COL11A2: variants seen among roughly 807,000 people sequenced by gnomAD.
The protein encoded by COL11A2 is collagen alpha-2(XI) chain.
COL11A2 carries 116 observed loss-of-function variants against 273.4 expected under a neutral mutation model. The ratio of observed to expected loss-of-function variants is 0.42; its 90% CI spans 0.36 to 0.49. The LOEUF is 0.49. COL11A2 is among the 20% of genes least tolerant of loss of function. COL11A2 has a pLI of 0.00. For missense variants in COL11A2, 1,866 were observed against 2,309.0 expected (o/e 0.81, Z 3.93); for synonymous variants, 782 against 864.2 (o/e 0.90, Z 1.67).
chr6:33,177,015 T>C lies in COL11A2; in HGVS notation c.2047A>G (p.Met683Val). 1.2e-6 allele frequency: 2 copies of C among 1,612,108 alleles called. No individual in the cohort carries two copies. The highest frequency in any genetic ancestry group is 2.2e-5 in the South Asian group (2 of 90,848). ...GPQGKPGLPG[M>V]PGSDGPPGHP... ...ACCGGGGGTCCGTCTGAGCCAGGCA[T>C]GCCGGGGAGCCCTGGCTTCCCTTGA... The change falls in exon 25 of 66, where the codon ATG becomes GTG. Residue 683 changes from methionine (M) to valine (V), a missense_variant. By Grantham distance (21) the Met-to-Val change is conservative. Coordinates refer to ENST00000341947, the MANE Select transcript of COL11A2 (RefSeq NM_080680.3). This position sits in a 1 kb window ranked among gnomAD's most constrained non-coding sequence, Gnocchi z 5.9.
In COL11A2 at chr6:33,164,337, C is replaced by T. The variant is rs146555195; in HGVS notation, c.5000G>A (p.Arg1667His). ...GCTCAGCTCATCCTCATTGGCCCCA[C>T]GGAGTCTCAGGGGACCGTCACGGGC... ...GAARDGPLRL[R>H]GANEDELSPE... Residue 1667 changes from arginine to histidine, a missense_variant, in exon 65 of 66, where the codon CGT (arginine) becomes CAT (histidine). Coordinates refer to ENST00000341947, the MANE Select transcript of COL11A2 (RefSeq NM_080680.3). This position sits in a 1 kb window ranked among gnomAD's most constrained non-coding sequence, Gnocchi z 4.7. The T allele has an allele frequency of 1.3e-3, 2,021 of 1,612,916 alleles. 14 individuals are homozygous for T. The highest frequency in any genetic ancestry group is 6.1e-3 in the South Asian group (560 of 91,062).
chr6:33,167,766 G>T lies in COL11A2; in HGVS notation c.4014+33C>A. On this transcript the variant is annotated intron_variant, in intron 55 of 65. Coordinates refer to ENST00000341947, the MANE Select transcript of COL11A2 (RefSeq NM_080680.3). The surrounding 1 kb of genome is among the most constrained non-coding windows in gnomAD (Gnocchi z 6.1). ...CATCTGAGGGGTGGGAGGCGGAGGG[G>T]ATGCTCCAGCACTAGGGCAGCCTGT... The T allele has an allele frequency of 6.2e-7, 1 of 1,612,124 alleles. No individual in the cohort carries two copies. Among genetic ancestry groups the T allele is most frequent in the Non-Finnish European group, 8.5e-7 (1 of 1,179,516 alleles).
rs577566472 is a variant in COL11A2, at chr6:33,185,211, G to A, written c.877-157C>T. Among the ~76,000 whole-genome samples the A allele has an allele frequency of 1.1e-4, 17 of 152,322 alleles. No individual in the cohort carries two copies. In the East Asian group the frequency reaches 3.3e-3, roughly 29 times the overall value. On this transcript the variant is annotated intron_variant, in intron 6 of 65. Transcript: ENST00000341947. ...CAGATCTTGCAGCCCCTTTGGAGGG[G>A]GATAGTTTGGGGAGAGTGAACCTCC...
rs762742076 is a variant in COL11A2 at position 33,173,263 on chromosome 6, C to T, written c.2736+85G>A. The T allele has an allele frequency of 1.1e-4, 166 of 1,572,830 alleles. No homozygotes were observed. The highest frequency in any genetic ancestry group is 1.3e-4 in the Non-Finnish European group (155 of 1,151,656). On this transcript the variant is annotated intron_variant, in intron 37 of 65. Transcript: ENST00000341947. This position sits in a 1 kb window ranked among gnomAD's most constrained non-coding sequence, Gnocchi z 6.3. ...GGCAGGCTCCACTCTGCCAGGAGAA[C>T]GTCCCTGTGGGCTTTCCAGACAGCT...
chr6:33,185,964 G>A (rs1772369919), intron 5 of COL11A2, among the ~76,000 whole-genome samples, 186 bp from the exon 6 acceptor site: 1 of 151,702 alleles, frequency 6.6e-6, no homozygotes, highest in Non-Finnish European at 1.5e-5. Context: ...GGGGAGAGGT[G>A]GAACAGAGGG....
At chr6:33,184,772 C>T (rs1178252260) in intron 7 of COL11A2, among the ~76,000 whole-genome samples, 1 of 152,182 alleles carries the variant, frequency 6.6e-6, no homozygotes, top group African/African-American at 2.4e-5. Context: ...ATCAAAGAAT[C>T]ATGGAAGGAG....
In COL11A2 at chr6:33,169,610, C is replaced by G; in HGVS notation, c.3691-120G>C. Reference sequence around the variant, plus strand: ...CCCCTCAGTGACAATGGGACATACACAGAAAGTCAAGCCTACAAGGGGAGT... The same window carrying G: ...CCCCTCAGTGACAATGGGACATACAGAGAAAGTCAAGCCTACAAGGGGAGT... On this transcript the variant is annotated intron_variant, in intron 50 of 65. Coordinates refer to ENST00000341947, the MANE Select transcript of COL11A2 (RefSeq NM_080680.3). The surrounding 1 kb of genome is among the most constrained non-coding windows in gnomAD (Gnocchi z 5.5). 8.7e-7 allele frequency: 1 copy of G among 1,150,056 alleles called. No individual in the cohort carries two copies. Among genetic ancestry groups the G allele is most frequent in the Non-Finnish European group, 1.3e-6 (1 of 776,056 alleles). The allele number at this position is 1,150,056 out of a possible 1,614,324, so 71.2% of individuals were successfully genotyped here.
intron 8 of COL11A2, 83 bp downstream of exon 8, chr6:33,184,062 A>C: frequency 1.6e-6 from 2 of 1,224,974 alleles, no homozygotes; most frequent in South Asian, 2.4e-5. Context: ...CACAGCCAAC[A>C]GCCAAGGATC....
chr6:33,170,470 G>A lies in COL11A2; in HGVS notation c.3528+87C>T. On this transcript the variant is annotated intron_variant, in intron 47 of 65. Coordinates refer to ENST00000341947, the MANE Select transcript of COL11A2 (RefSeq NM_080680.3). The surrounding 1 kb of genome is among the most constrained non-coding windows in gnomAD (Gnocchi z 4.3). ...AGAGGAGGAGGAGCAGCCAGGCCAG[G>A]GAGTTGGCAGTGGGGTGTGGGGTGG... 3 of 1,573,806 alleles carry A rather than the reference G, an allele frequency of 1.9e-6. No individual in the cohort carries two copies. The highest frequency in any genetic ancestry group is 2.6e-6 in the Non-Finnish European group (3 of 1,148,514).
chr6:33,183,419 C>A (rs1475881331), intron 8 of COL11A2, among the ~76,000 whole-genome samples: 2 of 152,164 alleles, frequency 1.3e-5, no homozygotes, highest in Non-Finnish European at 2.9e-5. Flanking sequence ...CAAAGGGAAT[C>A]ATGACAGTGA....
intron 30 of COL11A2, chr6:33,175,336 G>A: frequency 1.5e-6 from 1 of 662,726 alleles, no homozygotes; most frequent in Non-Finnish European, 2.8e-6. Context: ...TGAAGCAACA[G>A]CTACTCTCTA....
At position 33,168,935 on chromosome 6, in the gene COL11A2, C is replaced by T. The variant is rs937951181; in HGVS notation, c.3852+20G>A. The T allele has an allele frequency of 1.2e-6, 2 of 1,607,914 alleles. No homozygotes were observed. Among genetic ancestry groups the T allele is most frequent in the African/African-American group, 2.7e-5 (2 of 74,592 alleles). Reference sequence around the variant, plus strand: ...AAGCCCCACCCTTTTTGCCCCTTCCCTTCTCTGAGTAAGACTCACCCGAGG... The same window carrying T: ...AAGCCCCACCCTTTTTGCCCCTTCCTTTCTCTGAGTAAGACTCACCCGAGG... On this transcript the variant is annotated intron_variant, in intron 52 of 65. Transcript: ENST00000341947.
chr6:33,176,534 T>A lies in COL11A2; in HGVS notation c.2116-48A>T, dbSNP rs1562350355. 1 of 1,554,098 alleles carries A rather than the reference T, an allele frequency of 6.4e-7. No homozygotes were observed. Among genetic ancestry groups the A allele is most frequent in the Non-Finnish European group, 8.9e-7 (1 of 1,127,204 alleles). On this transcript the variant is annotated intron_variant, in intron 26 of 65. Coordinates refer to ENST00000341947, the MANE Select transcript of COL11A2 (RefSeq NM_080680.3). This position sits in a 1 kb window ranked among gnomAD's most constrained non-coding sequence, Gnocchi z 4.9. ...TTATAAAGGGGCCTCAGAGTGTCAC[T>A]GTGGGGGCCTCCAGGGGTGGAAGAA...
chr6:33,163,816 T>G lies in COL11A2; in HGVS notation c.5073A>C (p.Thr1691=), dbSNP rs566084562. ...CCTCCAGCACCGTCCGGCCTTGCTG[T>G]GTCTTCAGGGGGAGACAAGGAAGAA... is the stretch of plus-strand genomic sequence containing the variant. ...YVKEFRDGCQ[T]QQGRTVLEVR... is the part of the protein sequence containing the mutation. The change falls in exon 66 of 66, where the codon ACA becomes ACC. Residue 1691 remains threonine (T), a splice_region_variant and synonymous_variant. Transcript: ENST00000341947. The surrounding 1 kb of genome is among the most constrained non-coding windows in gnomAD (Gnocchi z 4.1). 6 of 1,612,968 alleles carry G rather than the reference T, an allele frequency of 3.7e-6. No homozygotes were observed. In the East Asian group the frequency reaches 8.9e-5, roughly 24 times the overall value.
intron 41 of COL11A2, 113 bp from the exon 42 acceptor site, chr6:33,171,933 C>T: frequency 3.9e-6 from 6 of 1,532,680 alleles, no homozygotes; most frequent in Non-Finnish European, 5.4e-6. Context: ...TCTGGCTGTC[C>T]CTGGACAGCC....
At chr6:33,171,395 G>A in intron 43 of COL11A2, 71 bp from the exon 44 acceptor site, 2 of 1,609,494 alleles carry the variant, frequency 1.2e-6, no homozygotes, top group South Asian at 2.2e-5. Flanking sequence ...CATGACAGGG[G>A]CCAGGGGTCA....
rs1426387934 is a variant in COL11A2 at position 33,179,321 on chromosome 6, CA to C, written c.1504-38del. 2 of 1,599,332 alleles carry C rather than the reference CA, an allele frequency of 1.3e-6. No homozygotes were observed. The highest frequency in any genetic ancestry group is 1.7e-6 in the Non-Finnish European group (2 of 1,174,102). On this transcript the variant is annotated intron_variant, in intron 14 of 65. Transcript: ENST00000341947. The surrounding 1 kb of genome is among the most constrained non-coding windows in gnomAD (Gnocchi z 6.4). ...AAGAGAGGATGGCCGTAAGGAAGGA[CA>C]CAGCCAACAGTGGCCTCGGAGTGTT...
At position 33,172,612 on chromosome 6, in the gene COL11A2, A is replaced by G. The variant is rs776182237; in HGVS notation, c.2816T>C (p.Met939Thr). Reference protein sequence around the residue: ...PQGAAGETGPMGERGHPGPPG... With the variant: ...PQGAAGETGPTGERGHPGPPG... ...GGGGCCTGGGTGACCTCTCTCCCCC[A>G]TAGGGCCGGTTTCTCCTGCTGCTCC... The change falls in exon 39 of 66, where the codon ATG (methionine) becomes ACG (threonine). Residue 939 changes from methionine to threonine, a missense_variant. Coordinates refer to ENST00000341947, the MANE Select transcript of COL11A2 (RefSeq NM_080680.3). 2.5e-6 allele frequency: 4 copies of G among 1,612,046 alleles called. No individual in the cohort carries two copies. The highest frequency in any genetic ancestry group is 3.4e-6 in the Non-Finnish European group (4 of 1,179,828).
rs1179014350 is a variant in COL11A2 at position 33,176,341 on chromosome 6, G to C, written c.2170-38C>G. On this transcript the variant is annotated intron_variant, in intron 27 of 65. Transcript: ENST00000341947. The surrounding 1 kb of genome is among the most constrained non-coding windows in gnomAD (Gnocchi z 4.9). ...AGGGGATAGAAGTAGACTGATCAGG[G>C]GATGGAGGTGGGTTGGAAGGACCAA... The C allele has an allele frequency of 1.2e-6, 2 of 1,601,234 alleles. No individual in the cohort carries two copies. Among genetic ancestry groups the C allele is most frequent in the Non-Finnish European group, 8.5e-7 (1 of 1,173,480 alleles).
Sources: gnomAD v4.1 joint callset for allele counts (sites outside exome capture counted in the v4.1 genomes callset) on GRCh38, gnomAD v4.1.1 for gene constraint, Gnocchi (gnomAD v3.1) non-coding constraint, MANE v1.5 for transcripts, NCBI Gene and HGNC (gene_info 2026-07-23, HGNC 2026-07-21) for gene names.